TENM2: variants seen among roughly 807,000 people sequenced by gnomAD.
TENM2 encodes teneurin transmembrane protein 2, also known as teneurin-2.
Under a neutral mutation model 245.2 loss-of-function variants are expected in TENM2, and 52 were observed. The observed-to-expected ratio is 0.21, with a 90% CI of 0.17 to 0.27. The LOEUF (loss-of-function observed/expected upper bound fraction) is 0.27. Among genes scored for constraint, TENM2 ranks in the 10% least tolerant of loss-of-function variants. The probability of loss-of-function intolerance (pLI) is 1.00; values close to 1 mark genes in which losing one functional copy is unlikely to be tolerated. For synonymous variants in TENM2, 1,363 were observed against 1,438.9 expected, an observed-to-expected ratio of 0.95 and a Z score of 1.19; for missense variants, 3,046 against 3,666.8, an observed-to-expected ratio of 0.83 and a Z score of 4.37.
chr5:167,375,159 C>G, intron 1 of TENM2, 39 bp from the exon 4 acceptor site: 1 of 1,534,960 alleles, frequency 6.5e-7, no homozygotes, highest in Non-Finnish European at 8.7e-7. Context: ...TAAAGCATCT[C>G]ACAAATTTTA....
chr5:167,401,228 C>T (rs1762352800), intron 2 of TENM2, among the ~76,000 whole-genome samples: 2 of 152,052 alleles, frequency 1.3e-5, no homozygotes, highest in South Asian at 2.1e-4. Context: ...AGTAGACAAT[C>T]GAACGGTGTC....
At chr5:168,082,925 G>A (rs896900066) in intron 7 of TENM2, among the ~76,000 whole-genome samples, 1 of 152,198 alleles carries the variant, frequency 6.6e-6, no homozygotes. Flanking sequence ...GAGGCAGTCT[G>A]TCTGTTCTCA....
At chr5:167,423,639 C>T (rs1763640335) in intron 2 of TENM2, among the ~76,000 whole-genome samples, 1 of 152,110 alleles carries the variant, frequency 6.6e-6, no homozygotes. Context: ...TCTTCTTTGC[C>T]ACTGAAGCAT....
intron 2 of TENM2, among the ~76,000 whole-genome samples, chr5:167,632,506 A>G (rs1778940264): frequency 6.6e-6 from 1 of 152,196 alleles, no homozygotes; most frequent in African/African-American, 2.4e-5. Flanking sequence ...TTGCCGCCAT[A>G]TTTAAATCTA....
intron 2 of TENM2, among the ~76,000 whole-genome samples, chr5:167,383,754 C>T (rs1436563018): frequency 6.7e-6 from 1 of 149,062 alleles, no homozygotes; most frequent in Non-Finnish European, 1.5e-5. Flanking sequence ...AAAAAAACTT[C>T]CGTATAAATG....
At chr5:167,337,588 T>C (rs1757855865) in intron 1 of TENM2, among the ~76,000 whole-genome samples, 1 of 152,194 alleles carries the variant, frequency 6.6e-6, no homozygotes, top group African/African-American at 2.4e-5. Flanking sequence ...GCCAAGGTTT[T>C]GCAGAGGAAT....
intron 2 of TENM2, among the ~76,000 whole-genome samples, chr5:167,807,319 A>G (rs1766280623): frequency 6.6e-6 from 1 of 151,964 alleles, no homozygotes; most frequent in South Asian, 2.1e-4. Context: ...TCATGGACCC[A>G]TCCCTAAAGC....
intron 5 of TENM2, among the ~76,000 whole-genome samples, chr5:168,030,316 C>T (rs908335407): frequency 2.6e-5 from 4 of 151,924 alleles, no homozygotes; most frequent in African/African-American, 9.7e-5. Flanking sequence ...TCTCTCACCT[C>T]CTCCACCTTC....
At chr5:167,416,054 T>C (rs969526380) in intron 2 of TENM2, among the ~76,000 whole-genome samples, 1 of 152,158 alleles carries the variant, frequency 6.6e-6, no homozygotes, top group Admixed American at 6.6e-5. Context: ...CTTTTCAGTT[T>C]GGGTTAGGAA....
intron 2 of TENM2, among the ~76,000 whole-genome samples, chr5:167,376,393 G>C (rs1760753338): frequency 6.6e-6 from 1 of 152,114 alleles, no homozygotes; most frequent in Non-Finnish European, 1.5e-5. Flanking sequence ...GATCAGTTAA[G>C]AATGTTTATA....
At chr5:167,242,929 G>C in the TENM2 span, among the ~76,000 whole-genome samples, 3,946 of 152,088 alleles carry the variant, frequency 0.026, 194 homozygotes, top group African/African-American at 0.09. Context: ...AGAATAGGAG[G>C]CCAAAAACGC....
the TENM2 span, among the ~76,000 whole-genome samples, chr5:167,016,247 CTG>C: frequency 8.6e-6 from 1 of 115,974 alleles, no homozygotes; most frequent in East Asian, 2.3e-4. Context: ...GAGCGAGACT[CTG>C]TCTCAAAAAA....
chr5:167,074,803 C>T, the TENM2 span, among the ~76,000 whole-genome samples: 9 of 152,100 alleles, frequency 5.9e-5, no homozygotes. Flanking sequence ...TTGTGCTTTC[C>T]TTCTGATACA....
chr5:168,070,650 A>G (rs1012237240), intron 7 of TENM2, among the ~76,000 whole-genome samples: 3 of 150,474 alleles, frequency 2.0e-5, no homozygotes, highest in Non-Finnish European at 3.0e-5. Context: ...TTATCCATGT[A>G]TGGTGGTATC....
chr5:167,173,066 A>C, the TENM2 span, among the ~76,000 whole-genome samples: 1 of 152,322 alleles, frequency 6.6e-6, no homozygotes, highest in African/African-American at 2.4e-5. Flanking sequence ...CTGTCTGAAT[A>C]GAATTCCTTC....
At chr5:168,241,974 G>T (rs1766141616) in intron 25 of TENM2, among the ~76,000 whole-genome samples, 1 of 152,146 alleles carries the variant, frequency 6.6e-6, no homozygotes, top group African/African-American at 2.4e-5. Context: ...GATCAACAGA[G>T]ATCTAGACTC....
At chr5:167,462,487 G>A (rs917334784) in intron 2 of TENM2, among the ~76,000 whole-genome samples, 3 of 152,080 alleles carry the variant, frequency 2.0e-5, no homozygotes, top group African/African-American at 4.8e-5. Context: ...CAGGTCACAC[G>A]GACATACTAA....
chr5:167,282,535 T>A (rs1771120692), upstream of TENM2, among the ~76,000 whole-genome samples: 1 of 152,216 alleles, frequency 6.6e-6, no homozygotes, highest in South Asian at 2.1e-4. Context: ...TTTACCACCA[T>A]GTATATTTTA....
chr5:167,545,192 T>G (rs182563136), intron 2 of TENM2, among the ~76,000 whole-genome samples: 1 of 152,298 alleles, frequency 6.6e-6, no homozygotes, highest in East Asian at 1.9e-4. Context: ...ATGTCCCTAC[T>G]AAATGAACAT....
Sources: gnomAD v4.1 joint callset for allele counts (sites outside exome capture counted in the v4.1 genomes callset) on GRCh38, gnomAD v4.1.1 for gene constraint, MANE v1.5 for transcripts, NCBI Gene and HGNC (gene_info 2026-07-23, HGNC 2026-07-21) for gene names.